The following SAE1 variants were observed in gnomAD, a reference collection of about 807,000 sequenced individuals.
SAE1 encodes SUMO-activating enzyme subunit 1.
SAE1 carries 11 observed loss-of-function variants against 40.6 expected under a neutral mutation model. The ratio of observed to expected loss-of-function variants is 0.27; its 90% CI spans 0.17 to 0.45. The LOEUF is 0.45. Ranked by LOEUF, SAE1 falls within the 20% of genes least tolerant of loss-of-function variation. The pLI is 1.00. For synonymous variants in SAE1, 155 were observed against 154.3 expected (o/e 1.00, Z -0.03); for missense variants, 373 against 427.3 (o/e 0.87, Z 1.12).
At chr19:47,160,290 C>T (rs542843394) in intron 5 of SAE1, among the ~76,000 whole-genome samples, 84 of 137,812 alleles carry the variant, frequency 6.1e-4, no homozygotes, top group African/African-American at 1.1e-3. Context: ...GGTGCGATCT[C>T]GGCTCACTGC....
At chr19:47,156,282 A>AT (rs1330881728) in intron 5 of SAE1, among the ~76,000 whole-genome samples, 1 of 150,618 alleles carries the variant, frequency 6.6e-6, no homozygotes, top group Non-Finnish European at 1.5e-5. Context: ...AAAAAAAAAA[A>AT]GCAAAACAAA....
chr19:47,138,657 A>C (rs906970246), intron 1 of SAE1, among the ~76,000 whole-genome samples: 6 of 152,152 alleles, frequency 3.9e-5, no homozygotes, highest in Non-Finnish European at 7.4e-5. Context: ...TGGAGTTTAC[A>C]TTCTAATGGA....
chr19:47,181,144 C>T (rs150019691), intron 6 of SAE1, among the ~76,000 whole-genome samples: 2,129 of 152,022 alleles, frequency 0.014, 106 homozygotes, highest in Admixed American at 0.096. Flanking sequence ...TGGAGAAACC[C>T]CATCTCTACT....
At chr19:47,174,169 A>G (rs2058453405) in intron 6 of SAE1, among the ~76,000 whole-genome samples, 1 of 151,968 alleles carries the variant, frequency 6.6e-6, no homozygotes, top group African/African-American at 2.4e-5. Context: ...AATATATCCT[A>G]TCATGTTTAC....
At chr19:47,134,152 T>G (rs1369149014) in intron 1 of SAE1, among the ~76,000 whole-genome samples, 1 of 152,148 alleles carries the variant, frequency 6.6e-6, no homozygotes, top group Admixed American at 6.6e-5. Flanking sequence ...TGAGCCACCA[T>G]GCCCGGCCTC....
chr19:47,158,042 C>G (rs1316754568), intron 5 of SAE1, among the ~76,000 whole-genome samples: 2 of 138,086 alleles, frequency 1.4e-5, no homozygotes, highest in Non-Finnish European at 3.1e-5. Flanking sequence ...GCCCTTTTGC[C>G]TAATTGTACA....
chr19:47,166,975 G>A (rs1450427657), intron 5 of SAE1, among the ~76,000 whole-genome samples: 1 of 150,268 alleles, frequency 6.7e-6, no homozygotes, highest in Non-Finnish European at 1.5e-5. Context: ...TTTTTGAGAC[G>A]GCGTCTCACC....
At position 47,197,297 on chromosome 19, in the gene SAE1, T is replaced by G. The variant is rs779839088; in HGVS notation, c.798T>G (p.Ser266=). The change falls in exon 7 of 9, where the codon TCT becomes TCG. Residue 266 remains serine, a synonymous_variant. Transcript: ENST00000270225. Reference sequence around the variant, plus strand: ...GTTCTGATACATATGAGGAAGATTCTGAGTTGTTGCTCCAGATACGAAATG... The same window carrying G: ...GTTCTGATACATATGAGGAAGATTCGGAGTTGTTGCTCCAGATACGAAATG... ...DPSSDTYEED[S]ELLLQIRNDV... is the part of the protein sequence containing the mutation. 1 of 1,614,082 alleles carries G rather than the reference T, an allele frequency of 6.2e-7. No homozygotes were observed. Among genetic ancestry groups the G allele is most frequent in the Non-Finnish European group, 8.5e-7 (1 of 1,179,892 alleles).
intron 5 of SAE1, among the ~76,000 whole-genome samples, chr19:47,159,990 A>G (rs934868560): frequency 1.3e-5 from 2 of 152,204 alleles, no homozygotes; most frequent in Non-Finnish European, 2.9e-5. Flanking sequence ...CACAGCTTCC[A>G]GCCTGATTGT....
intron 1 of SAE1, 107 bp downstream of exon 1, chr19:47,131,135 G>A (rs1354672976): frequency 7.0e-7 from 1 of 1,437,336 alleles, no homozygotes; most frequent in South Asian, 1.5e-5. Flanking sequence ...GGGAGGAGGC[G>A]GGAATTCTGT....
At chr19:47,174,741 T>A (rs1014755916) in intron 6 of SAE1, among the ~76,000 whole-genome samples, 4 of 151,454 alleles carry the variant, frequency 2.6e-5, no homozygotes, top group African/African-American at 9.7e-5. Context: ...CCCGGCTAAT[T>A]TTTTTGTATT....
At chr19:47,140,951 C>T (rs567553661) in intron 1 of SAE1, among the ~76,000 whole-genome samples, 2 of 152,030 alleles carry the variant, frequency 1.3e-5, no homozygotes, top group South Asian at 2.1e-4. Flanking sequence ...CAGGTTCAAG[C>T]GATTCTCCTG....
chr19:47,176,694 G>T (rs935360308), intron 6 of SAE1, among the ~76,000 whole-genome samples: 1 of 152,124 alleles, frequency 6.6e-6, no homozygotes, highest in African/African-American at 2.4e-5. Flanking sequence ...CCTGCTGTCC[G>T]CATGCATGTG....
chr19:47,160,541 C>A (rs538447845), intron 5 of SAE1, among the ~76,000 whole-genome samples: 1 of 151,858 alleles, frequency 6.6e-6, no homozygotes, highest in East Asian at 1.9e-4. Context: ...ACTACAGATG[C>A]CCGCCGCCAT....
chr19:47,144,342 A>G (rs2058241844), intron 2 of SAE1, among the ~76,000 whole-genome samples: 1 of 147,668 alleles, frequency 6.8e-6, no homozygotes, highest in Non-Finnish European at 1.5e-5. Context: ...TTAAAAAGAA[A>G]TAAATTAATG....
At chr19:47,182,509 G>A (rs545354640) in intron 6 of SAE1, among the ~76,000 whole-genome samples, 113 of 148,424 alleles carry the variant, frequency 7.6e-4, no homozygotes, top group African/African-American at 1.8e-3. Flanking sequence ...GCGCACGCAC[G>A]CGCGCGCGCA....
intron 6 of SAE1, among the ~76,000 whole-genome samples, chr19:47,183,598 C>T (rs2058524782): frequency 6.6e-6 from 1 of 152,200 alleles, no homozygotes; most frequent in Admixed American, 6.6e-5. Flanking sequence ...TTGTCAGCAA[C>T]CTGCCTTGCT....
chr19:47,176,786 T>C (rs1323738850), intron 6 of SAE1, among the ~76,000 whole-genome samples: 1 of 152,214 alleles, frequency 6.6e-6, no homozygotes, highest in East Asian at 1.9e-4. Flanking sequence ...GCTGCATTTT[T>C]CCACTGTCTT....
chr19:47,155,180 A>G lies in SAE1; in HGVS notation c.594A>G (p.Lys198=). 6.2e-7 allele frequency: 1 copy of G among 1,614,006 alleles called. No individual in the cohort carries two copies. Among genetic ancestry groups the G allele is most frequent in the South Asian group, 1.1e-5 (1 of 91,068 alleles). Residue 198 remains lysine (K), a synonymous_variant, in exon 5 of 9, where the codon AAA becomes AAG. Transcript: ENST00000270225. ...ATGGGCCCGACACCAAGAGAGCAAAACTTGATTCTTCTGAGACAACGATGG... is the reference window on the plus strand; with the variant it reads ...ATGGGCCCGACACCAAGAGAGCAAAGCTTGATTCTTCTGAGACAACGATGG... ...VEDGPDTKRA[K]LDSSETTMVK...
Sources: allele counts gnomAD v4.1 joint callset (sites outside exome capture counted in the v4.1 genomes callset), GRCh38; gene constraint gnomAD v4.1.1; transcripts MANE v1.5; gene names NCBI Gene and HGNC (gene_info 2026-07-23, HGNC 2026-07-21).